Variants in ST3GAL5 observed in about 807,000 individuals in gnomAD.
ST3GAL5 encodes the protein ST3 beta-galactoside alpha-2,3-sialyltransferase 5, also known as lactosylceramide alpha-2,3-sialyltransferase.
Under a neutral mutation model 46.1 loss-of-function variants are expected in ST3GAL5, and 25 were observed. The ratio of observed to expected loss-of-function variants is 0.54; its 90% CI spans 0.40 to 0.76. The LOEUF (loss-of-function observed/expected upper bound fraction) is 0.76, where lower values mean the gene tolerates loss of function less well. Ranked by LOEUF, ST3GAL5 falls within the 30% of genes least tolerant of loss-of-function variation. The pLI is 0.00. For synonymous variants in ST3GAL5, 182 were observed against 192.7 expected, an observed-to-expected ratio of 0.94 and a Z score of 0.46; for missense variants, 431 against 521.2, an observed-to-expected ratio of 0.83 and a Z score of 1.69.
At chr2:85,878,891 T>A (rs1367062065) in intron 1 of ST3GAL5, among the ~76,000 whole-genome samples, 6 of 152,032 alleles carry the variant, frequency 3.9e-5, no homozygotes, top group African/African-American at 1.5e-4. Context: ...GAATGGGTCC[T>A]CGAAGAATGA....
At chr2:85,883,248 C>T (rs543010318) in intron 1 of ST3GAL5, among the ~76,000 whole-genome samples, 10 of 152,168 alleles carry the variant, frequency 6.6e-5, no homozygotes, top group African/African-American at 1.7e-4. Context: ...TCATGGGGGC[C>T]GGTCTTTCCC....
At chr2:85,842,161 G>C (rs935481592) in intron 6 of ST3GAL5, among the ~76,000 whole-genome samples, 1 of 152,182 alleles carries the variant, frequency 6.6e-6, no homozygotes. Flanking sequence ...ACCTCTCAAA[G>C]CCAACCTCAC....
intron 1 of ST3GAL5, among the ~76,000 whole-genome samples, chr2:85,866,501 CCTGT>C (rs1375535658): frequency 6.6e-6 from 1 of 152,242 alleles, no homozygotes; most frequent in Non-Finnish European, 1.5e-5. Context: ...ATGTGACAAA[CCTGT>C]CTATCACACT....
intron 1 of ST3GAL5, among the ~76,000 whole-genome samples, chr2:85,878,320 T>C (rs1686792132): frequency 1.3e-5 from 2 of 152,236 alleles, no homozygotes. Context: ...ATACCCACTG[T>C]TAACATTCTG....
intron 3 of ST3GAL5, chr2:85,855,772 T>TA (rs1231291164): frequency 6.6e-6 from 1 of 152,040 alleles, no homozygotes; most frequent in Non-Finnish European, 1.5e-5. Flanking sequence ...ATAGCCCAAT[T>TA]AAAAATGGGC....
In ST3GAL5 at chr2:85,846,392, T is replaced by C. The variant is rs1336205358; in HGVS notation, c.834A>G (p.Val278=). The C allele has an allele frequency of 1.2e-6, 2 of 1,614,012 alleles. No homozygotes were observed. Among genetic ancestry groups the C allele is most frequent in the African/African-American group, 2.7e-5 (2 of 74,942 alleles). ...SVDFNWLQAM[V]KKETLPFWVR... ...TAGTGCTTACCAGGGTTTCCTTTTT[T>C]ACCATTGCTTGAAGCCAGTTGAAAT... Residue 278 remains valine (V), a synonymous_variant, in exon 5 of 7, where the codon GTA becomes GTG. Transcript: ENST00000638572.
chr2:85,888,762 C>A, intron 1 of ST3GAL5, 62 bp downstream of exon 1: 1 of 1,139,202 alleles, frequency 8.8e-7, no homozygotes, highest in South Asian at 4.3e-5. Flanking sequence ...AGAGACAAGT[C>A]GCCGCCGCAG....
intron 1 of ST3GAL5, among the ~76,000 whole-genome samples, chr2:85,880,470 A>T (rs1430015452): frequency 6.6e-6 from 1 of 152,160 alleles, no homozygotes; most frequent in African/African-American, 2.4e-5. Flanking sequence ...TTTTTGATCA[A>T]ATAGGAGTAT....
chr2:85,847,472 G>C, intron 4 of ST3GAL5: 1 of 1,017,716 alleles, frequency 9.8e-7, no homozygotes. Flanking sequence ...CTTCTCAAAC[G>C]TTAAGTCCCT....
chr2:85,843,175 T>C (rs1446545066), intron 6 of ST3GAL5, among the ~76,000 whole-genome samples: 2 of 152,238 alleles, frequency 1.3e-5, no homozygotes, highest in Non-Finnish European at 2.9e-5. Context: ...AACAATCCCA[T>C]AATAATGAAC....
intron 1 of ST3GAL5, among the ~76,000 whole-genome samples, chr2:85,872,948 T>C (rs916605825): frequency 2.6e-5 from 4 of 152,188 alleles, no homozygotes; most frequent in African/African-American, 7.2e-5. Flanking sequence ...AGCGACCACA[T>C]GCAACAGCTA....
chr2:85,868,319 T>C (rs1685508375), intron 1 of ST3GAL5, among the ~76,000 whole-genome samples: 2 of 152,334 alleles, frequency 1.3e-5, no homozygotes, highest in Middle Eastern at 3.4e-3. Flanking sequence ...CTTTTTGGTT[T>C]GAGATGGGAT....
intron 1 of ST3GAL5, among the ~76,000 whole-genome samples, chr2:85,866,420 G>A (rs1037878073): frequency 6.6e-5 from 10 of 152,072 alleles, no homozygotes; most frequent in Admixed American, 3.3e-4. Context: ...CAATTTTATC[G>A]CCTCAAAGCC....
rs544287869 is a variant in ST3GAL5, at chr2:85,847,727, TGAG to T, written c.662+131_662+133del. ...GGAGGATCTCCTGAGCCTGGGAAGT[TGAG>T]GCTGCAGTGAGCTGAGATCACACCA... On this transcript the variant is annotated intron_variant, in intron 4 of 6. Transcript: ENST00000638572. 5.8e-5 allele frequency: 80 copies of T among 1,372,408 alleles called. 1 individual carries two copies. In the East Asian group the frequency reaches 1.9e-3, roughly 33 times the overall value. The allele number at this position is 1,372,408 out of a possible 1,614,324, so 85.0% of individuals were successfully genotyped here. A position where few individuals can be genotyped will look rare whatever the true frequency, so the allele number is the denominator to read the frequency against.
intron 1 of ST3GAL5, among the ~76,000 whole-genome samples, chr2:85,872,477 G>C (rs1395476604): frequency 1.3e-5 from 2 of 152,060 alleles, no homozygotes; most frequent in Non-Finnish European, 2.9e-5. Flanking sequence ...CAGCTACTTG[G>C]GAGGCTGAGG....
At chr2:85,848,443 A>C in intron 3 of ST3GAL5, 2 of 1,487,526 alleles carry the variant, frequency 1.3e-6, no homozygotes, top group Non-Finnish European at 1.8e-6. Context: ...TGCACAGGCA[A>C]AGCAAGAAGG....
chr2:85,844,892 G>A (rs1318308436), intron 5 of ST3GAL5: 1 of 376,088 alleles, frequency 2.7e-6, no homozygotes, highest in African/African-American at 2.1e-5. Context: ...AGGCTATTAA[G>A]TGCTGAAACT....
intron 5 of ST3GAL5, chr2:85,846,069 G>A (rs575722075): frequency 1.9e-5 from 6 of 315,040 alleles, no homozygotes; most frequent in South Asian, 3.3e-5. Context: ...GGTGGCAGGC[G>A]CCTGTAATCC....
chr2:85,888,930 C>T lies in ST3GAL5; in HGVS notation c.-25G>A. 1 of 1,333,548 alleles carries T rather than the reference C, an allele frequency of 7.5e-7. No homozygotes were observed. The highest frequency in any genetic ancestry group is 9.6e-7 in the Non-Finnish European group (1 of 1,037,096). 82.6% of individuals were successfully genotyped at this position (1,333,548 alleles called of 1,614,324 possible). On this transcript the variant is annotated 5_prime_UTR_variant, in exon 1 of 7. Transcript: ENST00000638572. The stretch of plus-strand genomic sequence containing the variant: ...TACTAATGAGGGGGCGCCGGCCGGC[C>T]GCCAGCCCGGTACCCCGCGCCCCCA...
Sources: gnomAD v4.1 joint callset for allele counts (sites outside exome capture counted in the v4.1 genomes callset) on GRCh38, gnomAD v4.1.1 for gene constraint, MANE v1.5 for transcripts, NCBI Gene and HGNC (gene_info 2026-07-23, HGNC 2026-07-21) for gene names.